ADAMTSL1: variants seen among roughly 807,000 people sequenced by gnomAD.
ADAMTSL1 encodes the protein ADAMTS-like protein 1.
In ADAMTSL1, 126 loss-of-function variants were observed where a neutral mutation model predicts 201.8. The observed-to-expected ratio is 0.62, with a 90% CI of 0.54 to 0.72. ADAMTSL1 has a LOEUF of 0.72. Among genes scored for constraint, ADAMTSL1 ranks in the 30% least tolerant of loss-of-function variants. ADAMTSL1 has a pLI of 0.00. For missense variants in ADAMTSL1, 2,679 were observed against 2,277.8 expected (o/e 1.18, Z -3.59); for synonymous variants, 1,121 against 903.4 (o/e 1.24, Z -4.32).
At chr9:18,055,668 G>T (rs1025083250) in intron 1 of ADAMTSL1, among the ~76,000 whole-genome samples, 3 of 152,216 alleles carry the variant, frequency 2.0e-5, no homozygotes, top group African/African-American at 7.2e-5. Flanking sequence ...CCTAATCGCA[G>T]GGGCGCTGTG....
At chr9:18,290,281 A>ATTTTTTTTTT (rs35411626) in intron 2 of ADAMTSL1, among the ~76,000 whole-genome samples, 1 of 147,848 alleles carries the variant, frequency 6.8e-6, no homozygotes, top group Non-Finnish European at 1.5e-5. Flanking sequence ...AGGGGATTAG[A>ATTTTTTTTTT]TTTTTTTTTT....
chr9:18,523,383 C>T (rs574722097), intron 2 of ADAMTSL1, among the ~76,000 whole-genome samples: 1 of 152,220 alleles, frequency 6.6e-6, no homozygotes, highest in African/African-American at 2.4e-5. Context: ...TTCTCCCATT[C>T]TGTAGGTTGC....
chr9:18,309,403 G>C (rs1042875519), intron 2 of ADAMTSL1, among the ~76,000 whole-genome samples: 1 of 152,154 alleles, frequency 6.6e-6, no homozygotes, highest in Non-Finnish European at 1.5e-5. Flanking sequence ...AATTGTCCCT[G>C]TTTGCAGATG....
At chr9:18,483,732 C>G (rs1227625986) in intron 1 of ADAMTSL1, among the ~76,000 whole-genome samples, 1 of 152,102 alleles carries the variant, frequency 6.6e-6, no homozygotes, top group Non-Finnish European at 1.5e-5. Context: ...GATGCTGAGG[C>G]AGGAGAATGG....
chr9:18,581,720 G>C (rs1823105042), intron 4 of ADAMTSL1, among the ~76,000 whole-genome samples: 1 of 152,058 alleles, frequency 6.6e-6, no homozygotes, highest in Non-Finnish European at 1.5e-5. Flanking sequence ...CTCAAAAAGG[G>C]AAAAACACCA....
intron 1 of ADAMTSL1, among the ~76,000 whole-genome samples, chr9:18,494,295 G>T (rs1822414530): frequency 6.6e-6 from 1 of 151,386 alleles, no homozygotes; most frequent in Non-Finnish European, 1.5e-5. Context: ...GGTGGAGATT[G>T]CAGTGAGCTG....
chr9:18,554,113 T>G (rs1368848900), intron 3 of ADAMTSL1, among the ~76,000 whole-genome samples: 3 of 151,764 alleles, frequency 2.0e-5, no homozygotes, highest in Non-Finnish European at 4.4e-5. Flanking sequence ...ATGCTTTTTA[T>G]TCGACCTGAA....
At chr9:18,894,226 G>A (rs542619231) in intron 26 of ADAMTSL1, among the ~76,000 whole-genome samples, 26 of 152,278 alleles carry the variant, frequency 1.7e-4, no homozygotes, top group East Asian at 3.9e-4. Flanking sequence ...GGCTCATGCC[G>A]GTAATCTCAG....
chr9:18,820,318 G>A (rs1824132085), intron 21 of ADAMTSL1, among the ~76,000 whole-genome samples: 1 of 152,158 alleles, frequency 6.6e-6, no homozygotes. Context: ...GAAAAGTTAT[G>A]AAATATGTAA....
chr9:18,688,160 G>C (rs1830957254), intron 13 of ADAMTSL1, among the ~76,000 whole-genome samples: 1 of 149,664 alleles, frequency 6.7e-6, no homozygotes. Flanking sequence ...TCTCACTCTT[G>C]TCGCCCAGGC....
At chr9:17,930,065 G>T (rs1826715342) in intron 1 of ADAMTSL1, among the ~76,000 whole-genome samples, 2 of 152,094 alleles carry the variant, frequency 1.3e-5, no homozygotes, top group African/African-American at 4.8e-5. Context: ...AATTACAGCA[G>T]CACCTATGTT....
At chr9:18,045,792 G>T (rs1295305893) in intron 1 of ADAMTSL1, among the ~76,000 whole-genome samples, 2 of 151,556 alleles carry the variant, frequency 1.3e-5, no homozygotes, top group Non-Finnish European at 2.9e-5. Context: ...TCTAAGTCCT[G>T]ATACTCACTT....
intron 2 of ADAMTSL1, among the ~76,000 whole-genome samples, chr9:18,198,365 A>C (rs1390100390): frequency 2.7e-5 from 4 of 146,600 alleles, no homozygotes; most frequent in Non-Finnish European, 3.0e-5. Context: ...CTCATCTGAC[A>C]AAGGGCTAAT....
At position 18,681,697 on chromosome 9, in the gene ADAMTSL1, T is replaced by TGTGGGG. The variant is rs370940110; in HGVS notation, c.1342-114_1342-113insTGGGGG. 2.5e-3 allele frequency: 595 copies of TGTGGGG among 240,074 alleles called. 4 individuals are homozygous for TGTGGGG. Among genetic ancestry groups the TGTGGGG allele is most frequent in the African/African-American group, 7.9e-3 (122 of 15,430 alleles). 14.9% of individuals were successfully genotyped at this position (240,074 alleles called of 1,614,324 possible). ...TATAAATTTACCAGGAGTCCTCGTG[T>TGTGGGG]GGGGGGGGGGGGCGGGGAAAAAGAA... On this transcript the variant is annotated intron_variant, in intron 11 of 28. Transcript: ENST00000380548.
chr9:18,363,799 G>C (rs955942896), intron 2 of ADAMTSL1, among the ~76,000 whole-genome samples: 1 of 152,068 alleles, frequency 6.6e-6, no homozygotes, highest in African/African-American at 2.4e-5. Context: ...TTTGGTTCAA[G>C]AACAAATGAG....
intron 1 of ADAMTSL1, among the ~76,000 whole-genome samples, chr9:18,490,168 G>A (rs1822196853): frequency 1.3e-5 from 2 of 152,292 alleles, no homozygotes; most frequent in Admixed American, 6.5e-5. Context: ...ATGCCACAGA[G>A]GAACTGGCCT....
chr9:18,637,325 T>G (rs1827167299), intron 6 of ADAMTSL1, among the ~76,000 whole-genome samples: 1 of 152,038 alleles, frequency 6.6e-6, no homozygotes, highest in African/African-American at 2.4e-5. Flanking sequence ...GTCCACTAAC[T>G]CTCCACTCAA....
At chr9:17,973,792 A>C (rs1262142812) in intron 1 of ADAMTSL1, among the ~76,000 whole-genome samples, 16 of 148,694 alleles carry the variant, frequency 1.1e-4, no homozygotes, top group East Asian at 4.0e-4. Flanking sequence ...TCTTCCTACC[A>C]ATGAGCATGG....
At chr9:18,675,145 A>T (rs1318607964) in intron 9 of ADAMTSL1, among the ~76,000 whole-genome samples, 2 of 152,198 alleles carry the variant, frequency 1.3e-5, no homozygotes, top group African/African-American at 4.8e-5. Context: ...AATCACAACC[A>T]TCACTGCAAT....
Sources: gnomAD v4.1 joint callset for allele counts (sites outside exome capture counted in the v4.1 genomes callset) on GRCh38, gnomAD v4.1.1 for gene constraint, MANE v1.5 for transcripts, NCBI Gene and HGNC (gene_info 2026-07-23, HGNC 2026-07-21) for gene names.